GPR19: variants seen among roughly 807,000 people sequenced by gnomAD.
The protein encoded by GPR19 is G protein-coupled receptor 19, also known as probable G protein-coupled receptor 19.
A neutral mutation model predicts 28.5 loss-of-function variants in GPR19; 14 were observed. The ratio of observed to expected loss-of-function variants is 0.49; its 90% CI spans 0.32 to 0.77. The LOEUF (loss-of-function observed/expected upper bound fraction) is 0.77. Among genes scored for constraint, GPR19 ranks in the 30% least tolerant of loss-of-function variants. The probability of loss-of-function intolerance (pLI) is 0.03; values close to 1 mark genes in which losing one functional copy is unlikely to be tolerated. For synonymous variants in GPR19, 173 were observed against 184.1 expected (o/e 0.94, Z 0.49); for missense variants, 409 against 504.1 (o/e 0.81, Z 1.81).
At chr12:12,682,427 GC>G (rs1370470855) in intron 3 of GPR19, among the ~76,000 whole-genome samples, 1 of 152,090 alleles carries the variant, frequency 6.6e-6, no homozygotes, top group Non-Finnish European at 1.5e-5. Flanking sequence ...TCCCAAATTG[GC>G]ACCAGCAGAA....
rs914495359 is a variant in GPR19 at position 12,661,429 on chromosome 12, C to T, written c.1020G>A (p.Gly340=). ...AGGACATGCAAAAAGTCTCTTTCATCCCTCTCCGAAAATTGGCATTATAAA... is the reference window on the plus strand; with the variant it reads ...AGGACATGCAAAAAGTCTCTTTCATTCCTCTCCGAAAATTGGCATTATAAA... ...YSIYNANFRR[G]MKETFCMSSM... Residue 340 remains glycine (G), a synonymous_variant, in exon 4 of 4, where the codon GGG becomes GGA. Coordinates refer to ENST00000651487, the MANE Select transcript of GPR19 (RefSeq NM_006143.3). This position sits in a 1 kb window ranked among gnomAD's most constrained non-coding sequence, Gnocchi z 4.2. The T allele has an allele frequency of 3.1e-6, 5 of 1,612,948 alleles. No homozygotes were observed. In the African/African-American group the frequency reaches 5.3e-5, roughly 17 times the overall value.
chr12:12,715,208 T>C, the GPR19 span: 1 of 152,232 alleles, frequency 6.6e-6, no homozygotes, highest in Admixed American at 6.5e-5. Context: ...GTCTAGCAAT[T>C]GTTTTAAAAT....
intron 3 of GPR19, among the ~76,000 whole-genome samples, chr12:12,671,661 A>T (rs1450292973): frequency 6.6e-6 from 1 of 152,152 alleles, no homozygotes; most frequent in East Asian, 1.9e-4. Flanking sequence ...ACTTCACAAA[A>T]TAGCTTAAAA....
intron 3 of GPR19, among the ~76,000 whole-genome samples, chr12:12,675,761 G>T (rs1209529368): frequency 6.6e-6 from 1 of 152,150 alleles, no homozygotes; most frequent in Non-Finnish European, 1.5e-5. Flanking sequence ...TAGGATCTTA[G>T]TCTTACAACC....
In GPR19 at chr12:12,662,050, C is replaced by T. The variant is rs1276774596; in HGVS notation, c.399G>A (p.Leu133=). 6.2e-7 allele frequency: 1 copy of T among 1,614,114 alleles called. No individual in the cohort carries two copies. Among genetic ancestry groups the T allele is most frequent in the Non-Finnish European group, 8.5e-7 (1 of 1,180,048 alleles). The stretch of plus-strand genomic sequence containing the variant: ...GCACAACCTTGCACGTTGCACTACC[C>T]AGCGTCCACCTTCCAGTGGTGAACT... ...LLQFTTGRWT[L]GSATCKVVRY... is the part of the protein sequence containing the mutation. Residue 133 remains leucine (L), a synonymous_variant, in exon 4 of 4, where the codon CTG becomes CTA. Coordinates refer to ENST00000651487, the MANE Select transcript of GPR19 (RefSeq NM_006143.3).
upstream of GPR19, among the ~76,000 whole-genome samples, chr12:12,697,153 T>TAAAAAAAAAAAAAAAAAAAAAAAAA: frequency 2.5e-4 from 12 of 48,846 alleles, 3 homozygotes; most frequent in Admixed American, 7.7e-4. Context: ...TGAAGCGAAG[T>TAAAAAAAAAAAAAAAAAAAAAAAAA]AAAAAAAAAA....
chr12:12,716,421 A>C, the GPR19 span, among the ~76,000 whole-genome samples: 5 of 152,246 alleles, frequency 3.3e-5, no homozygotes, highest in East Asian at 9.6e-4. Flanking sequence ...CAGGTAGAGG[A>C]AACTGCTACA....
At chr12:12,715,415 G>A in the GPR19 span, among the ~76,000 whole-genome samples, 1 of 152,218 alleles carries the variant, frequency 6.6e-6, no homozygotes, top group African/African-American at 2.4e-5. Context: ...GTCCTGACTT[G>A]AAAACTAGTT....
chr12:12,710,830 T>C, the GPR19 span, among the ~76,000 whole-genome samples: 1 of 152,238 alleles, frequency 6.6e-6, no homozygotes, highest in Non-Finnish European at 1.5e-5. Flanking sequence ...CATGAGCCAC[T>C]GTGCCTGGCC....
the GPR19 span, chr12:12,717,152 GGTTT>G: frequency 9.7e-7 from 1 of 1,032,374 alleles, no homozygotes; most frequent in East Asian, 6.1e-5. Context: ...AGCCAGAGCA[GGTTT>G]GTTGGCAGCA....
At chr12:12,673,304 C>T (rs930091486) in intron 3 of GPR19, among the ~76,000 whole-genome samples, 2 of 152,168 alleles carry the variant, frequency 1.3e-5, no homozygotes, top group African/African-American at 2.4e-5. Context: ...AGTGAGTATT[C>T]TCATGGGCCT....
At chr12:12,710,642 T>A in the GPR19 span, among the ~76,000 whole-genome samples, 3 of 152,124 alleles carry the variant, frequency 2.0e-5, no homozygotes, top group African/African-American at 7.2e-5. Flanking sequence ...GCTCAAATGG[T>A]CCTTCTGTCT....
chr12:12,712,260 C>G, the GPR19 span, among the ~76,000 whole-genome samples: 1 of 152,224 alleles, frequency 6.6e-6, no homozygotes, highest in African/African-American at 2.4e-5. Context: ...GGATGAACAC[C>G]ACAGTGGGAC....
intron 2 of GPR19, among the ~76,000 whole-genome samples, chr12:12,691,691 C>T (rs114466499): frequency 1.3e-5 from 2 of 152,144 alleles, no homozygotes; most frequent in African/African-American, 4.8e-5. Flanking sequence ...CCTCTAGGAT[C>T]TAAAACAGCA....
chr12:12,681,100 C>CT lies in GPR19; in HGVS notation c.-23+3250_-23+3251insA, dbSNP rs1437805242. 2.1e-4 allele frequency among the ~76,000 whole-genome samples: 32 copies of CT among 152,268 alleles called. No homozygotes were observed. The East Asian group carries it at 6.0e-3, about 29-fold the overall frequency. On this transcript the variant is annotated intron_variant, in intron 3 of 3. Transcript: ENST00000651487. ...GGCGTGAGTTATGGCACTCAGCCTC[C>CT]CTTTTTCTTTTTAAGCCATCCTCTC...
the GPR19 span, among the ~76,000 whole-genome samples, chr12:12,707,989 CTTTTTTTTTTTT>C: frequency 8.0e-5 from 5 of 62,468 alleles, no homozygotes; most frequent in East Asian, 1.8e-3. Flanking sequence ...ATTTCCTATT[CTTTTTTTTTTTT>C]TTTTTTTTTT....
chr12:12,677,204 A>ATTT (rs765786361), intron 3 of GPR19, among the ~76,000 whole-genome samples: 13 of 133,604 alleles, frequency 9.7e-5, no homozygotes, highest in African/African-American at 2.3e-4. Context: ...GCAGATGTTA[A>ATTT]TTTTTTTTTT....
At position 12,662,273 on chromosome 12, in the gene GPR19, A is replaced by C; in HGVS notation, c.176T>G (p.Val59Gly). The C allele has an allele frequency of 6.2e-7, 1 of 1,614,216 alleles. No individual in the cohort carries two copies. Residue 59 changes from valine (V) to glycine (G), a missense_variant, in exon 4 of 4, where the codon GTG (valine) becomes GGG (glycine). Coordinates refer to ENST00000651487, the MANE Select transcript of GPR19 (RefSeq NM_006143.3). ...TGTGGCCACTTCCCCGGGTTTCAGC[A>C]CATAGTGAAGGTCTGTTTGGTTGCT... ...WMSNQTDLHY[V>G]LKPGEVATAS...
intron 2 of GPR19, among the ~76,000 whole-genome samples, chr12:12,685,480 C>T (rs1456215118): frequency 6.6e-6 from 1 of 152,104 alleles, no homozygotes; most frequent in African/African-American, 2.4e-5. Flanking sequence ...CAGGGTCTAT[C>T]CTGCTTTGCT....
Sources: allele counts gnomAD v4.1 joint callset (sites outside exome capture counted in the v4.1 genomes callset), GRCh38; gene constraint gnomAD v4.1.1; non-coding constraint Gnocchi (gnomAD v3.1); transcripts MANE v1.5; gene names NCBI Gene and HGNC (gene_info 2026-07-23, HGNC 2026-07-21).